Variants in PCDHGB5 observed in about 807,000 individuals in gnomAD.
PCDHGB5 encodes protocadherin gamma subfamily B, 5, also known as protocadherin gamma-B5.
Under a neutral mutation model 62.9 loss-of-function variants are expected in PCDHGB5, and 48 were observed. The observed-to-expected ratio is 0.76, with a 90% CI of 0.61 to 0.97. The LOEUF (loss-of-function observed/expected upper bound fraction) is 0.97, where lower values mean the gene tolerates loss of function less well. Ranked by LOEUF, PCDHGB5 falls within the 50% of genes least tolerant of loss-of-function variation. The probability of loss-of-function intolerance (pLI) is 0.00; values close to 1 mark genes in which losing one functional copy is unlikely to be tolerated. For missense variants in PCDHGB5, 1,118 were observed against 1,198.6 expected, an observed-to-expected ratio of 0.93 and a Z score of 0.99; for synonymous variants, 474 against 511.2, an observed-to-expected ratio of 0.93 and a Z score of 0.98.
Position 141,403,510 on chromosome 5 carries a change from C to T in PCDHGB5, c.2397+2986C>T, listed in dbSNP as rs201146573. ...TCTCCCTGAACGTGCAGACTGGAGA[C>T]AATGGAGCCATAAACCCAGAGCTGG... On this transcript the variant is annotated intron_variant, in intron 1 of 3. Transcript: ENST00000617380. 9.2e-4 allele frequency: 1,478 copies of T among 1,614,022 alleles called. 1 individual carries two copies. Among genetic ancestry groups the T allele is most frequent in the Non-Finnish European group, 1.2e-3 (1,414 of 1,179,888 alleles).
intron 1 of PCDHGB5, among the ~76,000 whole-genome samples, chr5:141,435,227 G>T (rs1461159947): frequency 1.3e-5 from 2 of 152,030 alleles, no homozygotes; most frequent in African/African-American, 4.8e-5. Context: ...TTCTTTCAAA[G>T]TTCAGTAATT....
At position 141,476,105 on chromosome 5, in the gene PCDHGB5, C is replaced by T; in HGVS notation, c.2398-18702C>T. ...ATCTGGACCCCGCTGAGAGGAACTG[C>T]TTTTGAGTGAGATGGTCCCAGAGGC... On this transcript the variant is annotated intron_variant, in intron 1 of 3. Coordinates refer to ENST00000617380, the MANE Select transcript of PCDHGB5 (RefSeq NM_018925.3). This position sits in a 1 kb window ranked among gnomAD's most constrained non-coding sequence, Gnocchi z 7.6. 2.5e-6 allele frequency: 4 copies of T among 1,585,450 alleles called. No homozygotes were observed. The highest frequency in any genetic ancestry group is 3.4e-6 in the Non-Finnish European group (4 of 1,168,874).
intron 1 of PCDHGB5, chr5:141,404,954 A>C: frequency 6.2e-7 from 1 of 1,613,952 alleles, no homozygotes; most frequent in Non-Finnish European, 8.5e-7. Flanking sequence ...AGCTGACAGC[A>C]TCCCAGACAT....
chr5:141,494,878 T>A lies in PCDHGB5; in HGVS notation c.2456+13T>A. Reference sequence around the variant, plus strand: ...CCGGCACCAGCGGGTAGGTGACTGATTCTCCAGCCCACCCTCTTCTCTGCG... The same window carrying A: ...CCGGCACCAGCGGGTAGGTGACTGAATCTCCAGCCCACCCTCTTCTCTGCG... On this transcript the variant is annotated intron_variant, in intron 2 of 3. Coordinates refer to ENST00000617380, the MANE Select transcript of PCDHGB5 (RefSeq NM_018925.3). The A allele has an allele frequency of 6.2e-7, 1 of 1,614,072 alleles. No homozygotes were observed. The highest frequency in any genetic ancestry group is 8.5e-7 in the Non-Finnish European group (1 of 1,179,986).
rs1156927948 is a variant in PCDHGB5, at chr5:141,490,342, G to A, written c.2398-4465G>A. 16 of 1,614,126 alleles carry A rather than the reference G, an allele frequency of 9.9e-6. 1 individual carries two copies. In the Admixed American group the frequency reaches 1.3e-4, roughly 13 times the overall value. ...CCTAGAGAGCACACCAGTGGGCACA[G>A]TAGTGGGGTTGTTTAATGTGCGAGA... On this transcript the variant is annotated intron_variant, in intron 1 of 3. Coordinates refer to ENST00000617380, the MANE Select transcript of PCDHGB5 (RefSeq NM_018925.3). This position sits in a 1 kb window ranked among gnomAD's most constrained non-coding sequence, Gnocchi z 5.4.
At chr5:141,417,003 A>T (rs1444236854) in intron 1 of PCDHGB5, 1 of 150,264 alleles carries the variant, frequency 6.7e-6, no homozygotes, top group African/African-American at 2.5e-5. Flanking sequence ...CATCTCAAAT[A>T]ATTCTATTAT....
At chr5:141,405,008 G>A in intron 1 of PCDHGB5, 1 of 1,614,000 alleles carries the variant, frequency 6.2e-7, no homozygotes, top group Non-Finnish European at 8.5e-7. Context: ...AGACCTGGAG[G>A]CCTCAGACCT....
chr5:141,507,495 G>A (rs375483743), intron 3 of PCDHGB5, among the ~76,000 whole-genome samples: 5 of 152,352 alleles, frequency 3.3e-5, no homozygotes, highest in East Asian at 3.9e-4. Flanking sequence ...AGGCAGAGCT[G>A]TCCCAGGTCT....
intron 2 of PCDHGB5, among the ~76,000 whole-genome samples, chr5:141,503,088 C>T (rs1003234288): frequency 4.0e-5 from 6 of 151,864 alleles, no homozygotes; most frequent in Admixed American, 1.3e-4. Context: ...CTCCTGACCT[C>T]GTGGTCTGCC....
Position 141,487,858 on chromosome 5 carries a change from G to C in PCDHGB5, c.2398-6949G>C, listed in dbSNP as rs575288726. Reference sequence around the variant, plus strand: ...ATCTGAGTAAGAAATGAAAGTAATTGGTGATCAAGAGCCAGGCTGTTGTGG... The same window carrying C: ...ATCTGAGTAAGAAATGAAAGTAATTCGTGATCAAGAGCCAGGCTGTTGTGG... On this transcript the variant is annotated intron_variant, in intron 1 of 3. Transcript: ENST00000617380. The surrounding 1 kb of genome is among the most constrained non-coding windows in gnomAD (Gnocchi z 5.0). The C allele has an allele frequency of 3.8e-5, 36 of 953,250 alleles. No individual in the cohort carries two copies. The Middle Eastern group carries it at 1.3e-3, about 35-fold the overall frequency. 59.0% of individuals were successfully genotyped at this position (953,250 alleles called of 1,614,324 possible). A position where few individuals can be genotyped will look rare whatever the true frequency, so the allele number is the denominator to read the frequency against.
intron 1 of PCDHGB5, among the ~76,000 whole-genome samples, chr5:141,444,466 C>T (rs539222916): frequency 7.9e-5 from 12 of 152,100 alleles, no homozygotes; most frequent in East Asian, 1.9e-4. Context: ...TCACTGCGCC[C>T]GGTCGCGTAC....
At chr5:141,449,567 C>T (rs1412647192) in intron 1 of PCDHGB5, among the ~76,000 whole-genome samples, 2 of 133,846 alleles carry the variant, frequency 1.5e-5, no homozygotes, top group Non-Finnish European at 3.1e-5. Context: ...CCAGCCTGGG[C>T]GACAGAGCAA....
At chr5:141,478,629 T>A in intron 1 of PCDHGB5, 1 of 1,553,688 alleles carries the variant, frequency 6.4e-7, no homozygotes, top group Non-Finnish European at 8.7e-7. Context: ...AGCTGTTTTT[T>A]TAGTGATGAA....
At chr5:141,434,883 C>T (rs1490696834) in intron 1 of PCDHGB5, among the ~76,000 whole-genome samples, 1 of 151,644 alleles carries the variant, frequency 6.6e-6, no homozygotes, top group Non-Finnish European at 1.5e-5. Context: ...ATACCAACAA[C>T]AATCCAGTCC....
intron 1 of PCDHGB5, among the ~76,000 whole-genome samples, chr5:141,494,397 A>G (rs965158973): frequency 7.2e-5 from 11 of 152,208 alleles, no homozygotes; most frequent in African/African-American, 2.4e-4. Flanking sequence ...GAATAAATTC[A>G]TTCTAGGGCT....
Position 141,417,921 on chromosome 5 carries a change from T to G in PCDHGB5, c.2397+17397T>G, listed in dbSNP as rs771406905. 7.5e-6 allele frequency: 12 copies of G among 1,607,746 alleles called. No homozygotes were observed. The Admixed American group carries it at 1.7e-4, about 23-fold the overall frequency. On this transcript the variant is annotated intron_variant, in intron 1 of 3. Transcript: ENST00000617380. ...CCGCGGCAGGTACTATTTCCTTTGC[T>G]GCTGCCTTTGTTCTACCCCACGCTG...
rs370190281 is a variant in PCDHGB5, at chr5:141,401,943, A to G, written c.2397+1419A>G. Among the ~76,000 whole-genome samples the G allele has an allele frequency of 3.9e-5, 6 of 152,312 alleles. No homozygotes were observed. In the South Asian group the frequency reaches 1.0e-3, roughly 26 times the overall value. On this transcript the variant is annotated intron_variant, in intron 1 of 3. Coordinates refer to ENST00000617380, the MANE Select transcript of PCDHGB5 (RefSeq NM_018925.3). ...AGTGATGCTTAGAATAATGTTTAAG[A>G]CCACTTTAAAATTGCATAATTTATT...
intron 1 of PCDHGB5, among the ~76,000 whole-genome samples, chr5:141,479,914 G>T (rs2099509746): frequency 6.6e-6 from 1 of 152,148 alleles, no homozygotes; most frequent in South Asian, 2.1e-4. Context: ...CTGTTATTTT[G>T]TTACTCAGTG....
intron 1 of PCDHGB5, among the ~76,000 whole-genome samples, chr5:141,446,686 C>T (rs574630887): frequency 1.3e-5 from 2 of 152,294 alleles, no homozygotes; most frequent in African/African-American, 4.8e-5. Context: ...CCATATTGGC[C>T]AGGCTGGTCT....
Sources: gnomAD v4.1 joint callset for allele counts (sites outside exome capture counted in the v4.1 genomes callset) on GRCh38, gnomAD v4.1.1 for gene constraint, Gnocchi (gnomAD v3.1) non-coding constraint, MANE v1.5 for transcripts, NCBI Gene and HGNC (gene_info 2026-07-23, HGNC 2026-07-21) for gene names.